The following CWH43 variants were observed in gnomAD, a reference collection of about 807,000 sequenced individuals.
The protein encoded by CWH43 is PGAP2-interacting protein.
In CWH43, 91 loss-of-function variants were observed where a neutral mutation model predicts 85.7. The ratio of observed to expected loss-of-function variants is 1.06; its 90% confidence interval spans 0.90 to 1.26. The LOEUF is 1.26. Among genes scored for constraint, CWH43 ranks in the 50% most tolerant of loss-of-function variants. CWH43 has a pLI of 0.00. For missense variants in CWH43, 869 were observed against 839.2 expected, an observed-to-expected ratio of 1.04 and a Z score of -0.44; for synonymous variants, 323 against 293.6, an observed-to-expected ratio of 1.10 and a Z score of -1.02.
In CWH43 at chr4:49,044,805, A is replaced by C; in HGVS notation, c.1823A>C (p.His608Pro). 3 of 1,613,478 alleles carry C rather than the reference A, an allele frequency of 1.9e-6. No individual in the cohort carries two copies. The highest frequency in any genetic ancestry group is 2.5e-6 in the Non-Finnish European group (3 of 1,179,530). ...GNVKDIDSTD[H>P]DRWCEYIMYR... ...TATTAGGATATCGACAGCACTGATC[A>C]TGACAGATGGTGTGAATACATTATG... Residue 608 changes from histidine (H) to proline (P), a missense_variant, in exon 14 of 16, where the codon CAT becomes CCT. By Grantham distance (77) the His-to-Pro change is moderately conservative. Coordinates refer to ENST00000226432, the MANE Select transcript of CWH43 (RefSeq NM_025087.3).
In CWH43 at chr4:48,988,529, T is replaced by C. The variant is rs745708220; in HGVS notation, c.96T>C (p.Phe32=). Residue 32 remains phenylalanine, a synonymous_variant, in exon 2 of 16, where the codon TTT becomes TTC. Coordinates refer to ENST00000226432, the MANE Select transcript of CWH43 (RefSeq NM_025087.3). ...YHDLGPMIYY[F]PLQTLELTGL... is the part of the protein sequence containing the mutation. ...ACCTGGGACCGATGATCTATTACTT[T>C]CCTTTGCAAACACTAGAACTCACTG... The C allele has an allele frequency of 7.4e-6, 12 of 1,613,196 alleles. No individual in the cohort carries two copies. In the East Asian group the frequency reaches 2.7e-4, roughly 36 times the overall value.
intron 14 of CWH43, among the ~76,000 whole-genome samples, chr4:49,048,135 G>A (rs1784684859): frequency 2.0e-5 from 3 of 152,016 alleles, no homozygotes; most frequent in Admixed American, 6.6e-5. Context: ...TTTCATATAG[G>A]CTGAAATAGG....
chr4:49,043,821 T>C (rs572751456), intron 13 of CWH43, among the ~76,000 whole-genome samples: 39 of 152,028 alleles, frequency 2.6e-4, no homozygotes, highest in Non-Finnish European at 5.4e-4. Flanking sequence ...CTTTATTTCC[T>C]TCATCAACAT....
At position 49,061,853 on chromosome 4, in the gene CWH43, A is replaced by T. The variant is rs577407887; in HGVS notation, c.2063A>T (p.His688Leu). 25 of 1,399,000 alleles carry T rather than the reference A, an allele frequency of 1.8e-5. No homozygotes were observed. In the South Asian group the frequency reaches 3.4e-4, roughly 19 times the overall value. 86.7% of individuals were successfully genotyped at this position (1,399,000 alleles called of 1,614,324 possible). A position where few individuals can be genotyped will look rare whatever the true frequency, so the allele number is the denominator to read the frequency against. ...YKEGHNYENNHHFHMNTPKYF... is the reference protein window; with the variant it reads ...YKEGHNYENNLHFHMNTPKYF... ...GAAGGACACAATTATGAAAACAACC[A>T]TCATTTTCATATGAATACTCCCAAA... The change falls in exon 16 of 16, where the codon CAT becomes CTT. Residue 688 changes from histidine to leucine, a missense_variant. By Grantham distance (99) the His-to-Leu change is moderately conservative. Transcript: ENST00000226432.
chr4:49,048,548 C>G (rs1029432499), intron 14 of CWH43, among the ~76,000 whole-genome samples: 1 of 151,840 alleles, frequency 6.6e-6, no homozygotes, highest in African/African-American at 2.4e-5. Context: ...ATTAAGGTAC[C>G]AGCAGGGTTG....
intron 9 of CWH43, among the ~76,000 whole-genome samples, chr4:49,021,407 C>T (rs562516014): frequency 2.0e-5 from 3 of 152,148 alleles, no homozygotes; most frequent in African/African-American, 7.2e-5. Context: ...TTCCATTGGT[C>T]TATATGCCTT....
At chr4:49,006,256 G>GT (rs554100649) in intron 7 of CWH43, among the ~76,000 whole-genome samples, 7,819 of 149,176 alleles carry the variant, frequency 0.052, 289 homozygotes, top group Non-Finnish European at 0.083. Context: ...TGAACGATGA[G>GT]TTTTTTTTTT....
At chr4:49,027,985 A>C (rs1030125400) in intron 9 of CWH43, among the ~76,000 whole-genome samples, 7 of 152,154 alleles carry the variant, frequency 4.6e-5, no homozygotes, top group Non-Finnish European at 1.0e-4. Flanking sequence ...TACATCATTC[A>C]TAACTAGGTT....
At chr4:49,055,263 C>A (rs1784915180) in intron 15 of CWH43, among the ~76,000 whole-genome samples, 1 of 152,078 alleles carries the variant, frequency 6.6e-6, no homozygotes, top group East Asian at 1.9e-4. Flanking sequence ...TTGAGATGAT[C>A]ATATGATTTT....
At chr4:48,990,158 A>C (rs747520861) in intron 2 of CWH43, among the ~76,000 whole-genome samples, 1 of 152,196 alleles carries the variant, frequency 6.6e-6, no homozygotes, top group Admixed American at 6.5e-5. Context: ...AAGGGATGTG[A>C]TATAAAATAA....
At chr4:49,058,568 A>C (rs565677453) in intron 15 of CWH43, among the ~76,000 whole-genome samples, 1 of 152,208 alleles carries the variant, frequency 6.6e-6, no homozygotes, top group Non-Finnish European at 1.5e-5. Flanking sequence ...AATAAGTTTT[A>C]TACTTTCATA....
At chr4:49,061,273 G>A (rs1459805036) in intron 15 of CWH43, among the ~76,000 whole-genome samples, 2 of 152,090 alleles carry the variant, frequency 1.3e-5, no homozygotes, top group Non-Finnish European at 2.9e-5. Flanking sequence ...TTACATTATA[G>A]AGGTTAGATA....
At chr4:49,038,222 C>A in intron 13 of CWH43, 42 bp downstream of exon 13, 1 of 1,448,076 alleles carries the variant, frequency 6.9e-7, no homozygotes, top group South Asian at 1.5e-5. Context: ...TTAAGTAAAA[C>A]ATTTCTTTTT....
chr4:48,996,375 AT>A (rs1782814515), intron 5 of CWH43, among the ~76,000 whole-genome samples: 1 of 152,194 alleles, frequency 6.6e-6, no homozygotes, highest in Non-Finnish European at 1.5e-5. Flanking sequence ...TGTATTACAG[AT>A]TTTAAAAAAT....
intron 4 of CWH43, among the ~76,000 whole-genome samples, chr4:48,993,401 A>G (rs1782716573): frequency 6.6e-6 from 1 of 151,924 alleles, no homozygotes. Context: ...CCATCCCCAT[A>G]GCTCTCGGCT....
intron 6 of CWH43, among the ~76,000 whole-genome samples, chr4:49,000,328 T>A (rs1292563312): frequency 1.3e-5 from 2 of 152,222 alleles, no homozygotes; most frequent in African/African-American, 4.8e-5. Flanking sequence ...CCAGGTCCTC[T>A]TCCTCCTGGA....
chr4:49,013,948 G>C (rs1198272159), intron 8 of CWH43, among the ~76,000 whole-genome samples: 2 of 152,124 alleles, frequency 1.3e-5, no homozygotes, highest in Admixed American at 6.5e-5. Context: ...TGAAGACAGC[G>C]TGTTAAGTAG....
At chr4:49,037,567 CT>C (rs904961338) in intron 12 of CWH43, among the ~76,000 whole-genome samples, 1 of 90,472 alleles carries the variant, frequency 1.1e-5, no homozygotes, top group Non-Finnish European at 2.9e-5. Context: ...GAGACTCTGT[CT>C]CAAAAAAAAA....
At chr4:49,048,410 TATG>T (rs1784696532) in intron 14 of CWH43, among the ~76,000 whole-genome samples, 2 of 151,066 alleles carry the variant, frequency 1.3e-5, no homozygotes, top group South Asian at 2.1e-4. Context: ...ATATATAAAA[TATG>T]ATATCATATA....
Sources: allele counts gnomAD v4.1 joint callset (sites outside exome capture counted in the v4.1 genomes callset), GRCh38; gene constraint gnomAD v4.1.1; transcripts MANE v1.5; gene names NCBI Gene and HGNC (gene_info 2026-07-23, HGNC 2026-07-21).